The following FAM171A1 variants were observed in gnomAD, a reference collection of about 807,000 sequenced individuals.
The protein encoded by FAM171A1 is protein FAM171A1.
A neutral mutation model predicts 74.9 loss-of-function variants in FAM171A1; 23 were observed. The ratio of observed to expected loss-of-function variants is 0.31; its 90% CI spans 0.22 to 0.44. FAM171A1 has a LOEUF of 0.44. FAM171A1 is among the 20% of genes least tolerant of loss of function. The pLI is 1.00. For missense variants in FAM171A1, 1,162 were observed against 1,159.2 expected, an observed-to-expected ratio of 1.00 and a Z score of -0.03; for synonymous variants, 527 against 505.7, an observed-to-expected ratio of 1.04 and a Z score of -0.57.
In FAM171A1 at chr10:15,340,574, A is replaced by G. The variant is rs146928624; in HGVS notation, c.97+30382T>C. Reference sequence around the variant, plus strand: ...CCACCTCCATGCAGCCATGGATCCCATGTGTGACACCTTCACGCACTGTGA... The same window carrying G: ...CCACCTCCATGCAGCCATGGATCCCGTGTGTGACACCTTCACGCACTGTGA... On this transcript the variant is annotated intron_variant, in intron 1 of 7. Coordinates refer to ENST00000378116, the MANE Select transcript of FAM171A1 (RefSeq NM_001010924.2). Among the ~76,000 whole-genome samples the G allele has an allele frequency of 5.5e-4, 83 of 152,174 alleles. No individual in the cohort carries two copies. In the East Asian group the frequency reaches 0.011, roughly 20 times the overall value.
intron 1 of FAM171A1, among the ~76,000 whole-genome samples, chr10:15,306,883 CCAT>C (rs1177238951): frequency 1.3e-5 from 2 of 152,206 alleles, no homozygotes; most frequent in Non-Finnish European, 2.9e-5. Context: ...CAGCTGACAT[CCAT>C]CATGACTAAC....
At chr10:15,369,521 G>A (rs1300382798) in intron 1 of FAM171A1, among the ~76,000 whole-genome samples, 3 of 152,144 alleles carry the variant, frequency 2.0e-5, no homozygotes, top group African/African-American at 7.2e-5. Context: ...TCCATGATAT[G>A]CATTACTAAA....
Position 15,248,741 on chromosome 10 carries a change from C to G in FAM171A1, c.652G>C (p.Val218Leu), listed in dbSNP as rs1373966302. The G allele has an allele frequency of 1.9e-6, 3 of 1,613,846 alleles. No homozygotes were observed. The East Asian group carries it at 6.7e-5, about 36-fold the overall frequency. ...VHLLSSNGTP[V>L]LVDGPIYVTV... ...ACATAGATGGGACCATCCACCAGCACCGGCGTTCCATTACTGCTCAGCAAG... is the reference window on the plus strand; with the variant it reads ...ACATAGATGGGACCATCCACCAGCAGCGGCGTTCCATTACTGCTCAGCAAG... The change falls in exon 5 of 8, where the codon GTG (valine) becomes CTG (leucine). Residue 218 changes from valine (V) to leucine (L), a missense_variant. Transcript: ENST00000378116.
At chr10:15,341,733 A>G (rs928808762) in intron 1 of FAM171A1, among the ~76,000 whole-genome samples, 1 of 152,218 alleles carries the variant, frequency 6.6e-6, no homozygotes, top group Non-Finnish European at 1.5e-5. Flanking sequence ...CTGCAGGGAA[A>G]CCTGGGACTT....
At chr10:15,229,649 CAT>C (rs1247950694) in intron 5 of FAM171A1, among the ~76,000 whole-genome samples, 4 of 147,844 alleles carry the variant, frequency 2.7e-5, no homozygotes, top group East Asian at 2.0e-4. Flanking sequence ...TCACCATCAC[CAT>C]CATCACCATT....
intron 2 of FAM171A1, among the ~76,000 whole-genome samples, chr10:15,282,209 G>A (rs1422212058): frequency 1.3e-5 from 2 of 152,098 alleles, no homozygotes; most frequent in African/African-American, 4.8e-5. Flanking sequence ...CTCCAGAGTC[G>A]CTGGGATTAC....
At position 15,316,169 on chromosome 10, in the gene FAM171A1, T is replaced by C. The variant is rs147608860; in HGVS notation, c.98-32064A>G. The stretch of plus-strand genomic sequence containing the variant: ...CCTTATTTTGAACTCACAGGTTGTT[T>C]CTAGGTTTTCATTACTCTAAGTTTA... On this transcript the variant is annotated intron_variant, in intron 1 of 7. Transcript: ENST00000378116. Among the ~76,000 whole-genome samples, 491 of 152,346 alleles carry C rather than the reference T, an allele frequency of 3.2e-3. 2 individuals carry two copies. The highest frequency in any genetic ancestry group is 0.011 in the African/African-American group (471 of 41,582).
intron 1 of FAM171A1, among the ~76,000 whole-genome samples, chr10:15,333,711 C>T (rs1315776859): frequency 2.6e-5 from 4 of 151,854 alleles, no homozygotes; most frequent in Non-Finnish European, 5.9e-5. Flanking sequence ...ATAGGCCTGT[C>T]ATCAGTCCCA....
chr10:15,251,375 T>G (rs1588512403), intron 4 of FAM171A1, among the ~76,000 whole-genome samples: 1 of 151,880 alleles, frequency 6.6e-6, no homozygotes, highest in Non-Finnish European at 1.5e-5. Context: ...TCTCCCTCTA[T>G]GTCCCCATGT....
intron 6 of FAM171A1, among the ~76,000 whole-genome samples, chr10:15,217,274 T>C (rs958019033): frequency 6.6e-6 from 1 of 152,244 alleles, no homozygotes; most frequent in Admixed American, 6.5e-5. Context: ...TATTTATTGG[T>C]GTCCGAGTTT....
chr10:15,351,766 A>T (rs1443162467), intron 1 of FAM171A1, among the ~76,000 whole-genome samples: 1 of 152,198 alleles, frequency 6.6e-6, no homozygotes, highest in Non-Finnish European at 1.5e-5. Flanking sequence ...CTAAAAATAA[A>T]TTTAAGGCCA....
chr10:15,227,830 G>A (rs75396902), intron 5 of FAM171A1, among the ~76,000 whole-genome samples: 4,125 of 152,290 alleles, frequency 0.027, 93 homozygotes, highest in East Asian at 0.13. Flanking sequence ...AAAGCATCAT[G>A]CATTCTTAAT....
chr10:15,306,490 G>A (rs1472017552), intron 1 of FAM171A1, among the ~76,000 whole-genome samples: 2 of 151,820 alleles, frequency 1.3e-5, no homozygotes, highest in South Asian at 2.1e-4. Flanking sequence ...TCAGTCTCTC[G>A]AGTAGCTGGG....
At position 15,314,693 on chromosome 10, in the gene FAM171A1, T is replaced by C. The variant is rs1053339038; in HGVS notation, c.98-30588A>G. 3.0e-4 allele frequency among the ~76,000 whole-genome samples: 46 copies of C among 152,370 alleles called. 1 individual carries two copies. The East Asian group carries it at 8.1e-3, about 27-fold the overall frequency. ...GAGTTCAAGGGCCCCAGCACTCTTC[T>C]GCTTTGCTGGTGCAGATCAAGGCAT... On this transcript the variant is annotated intron_variant, in intron 1 of 7. Transcript: ENST00000378116.
At chr10:15,305,623 T>C (rs1564271501) in intron 1 of FAM171A1, among the ~76,000 whole-genome samples, 2 of 117,704 alleles carry the variant, frequency 1.7e-5, no homozygotes. Context: ...GAAGTGATCA[T>C]ACCACTGTAC....
chr10:15,307,552 A>C (rs1343227694), intron 1 of FAM171A1, among the ~76,000 whole-genome samples: 1 of 148,370 alleles, frequency 6.7e-6, no homozygotes, highest in Non-Finnish European at 1.5e-5. Flanking sequence ...AGGCTGAGGC[A>C]GGAGAATCGC....
chr10:15,328,127 T>C (rs1021149491), intron 1 of FAM171A1, among the ~76,000 whole-genome samples: 12 of 151,294 alleles, frequency 7.9e-5, no homozygotes, highest in African/African-American at 2.9e-4. Flanking sequence ...TTTCTAAAGA[T>C]AAATATTAAA....
At chr10:15,316,812 A>G (rs939554049) in intron 1 of FAM171A1, among the ~76,000 whole-genome samples, 1 of 152,208 alleles carries the variant, frequency 6.6e-6, no homozygotes, top group African/African-American at 2.4e-5. Context: ...ATATCTGGCA[A>G]CAACCATCAC....
At chr10:15,285,636 C>A (rs1273535548) in intron 1 of FAM171A1, among the ~76,000 whole-genome samples, 1 of 151,850 alleles carries the variant, frequency 6.6e-6, no homozygotes, top group Non-Finnish European at 1.5e-5. Flanking sequence ...AAGTAGGAAG[C>A]AAGCAGCTGG....
Sources: gnomAD v4.1 joint callset for allele counts (sites outside exome capture counted in the v4.1 genomes callset) on GRCh38, gnomAD v4.1.1 for gene constraint, MANE v1.5 for transcripts, NCBI Gene and HGNC (gene_info 2026-07-23, HGNC 2026-07-21) for gene names.